Variants in NRXN1 observed in about 807,000 individuals in gnomAD.
NRXN1 encodes neurexin-1.
Under a neutral mutation model 150.9 loss-of-function variants are expected in NRXN1, and 39 were observed. The observed-to-expected ratio is 0.26, with a 90% CI of 0.20 to 0.34. NRXN1 has a LOEUF of 0.34. Ranked by LOEUF, NRXN1 falls within the 10% of genes least tolerant of loss-of-function variation. The probability of loss-of-function intolerance (pLI) is 1.00; values close to 1 mark genes in which losing one functional copy is unlikely to be tolerated. For synonymous variants in NRXN1, 924 were observed against 757.0 expected (o/e 1.22, Z -3.62); for missense variants, 1,815 against 1,949.9 (o/e 0.93, Z 1.30).
chr2:50,054,363 T>A (rs1016938673), intron 20 of NRXN1, among the ~76,000 whole-genome samples: 4 of 152,178 alleles, frequency 2.6e-5, no homozygotes, highest in African/African-American at 9.6e-5. Flanking sequence ...ACCATTATCA[T>A]CAAATTGAGT....
chr2:50,209,680 G>A (rs962568744), intron 18 of NRXN1, among the ~76,000 whole-genome samples: 2 of 152,020 alleles, frequency 1.3e-5, no homozygotes, highest in African/African-American at 4.8e-5. Flanking sequence ...ACTAAAGTAT[G>A]TATGTAAATA....
chr2:50,874,458 G>A (rs2106115645), intron 5 of NRXN1, among the ~76,000 whole-genome samples: 1 of 151,788 alleles, frequency 6.6e-6, no homozygotes, highest in East Asian at 2.0e-4. Flanking sequence ...GTCACACAAG[G>A]AGAAAGGGGA....
At chr2:50,265,574 C>T (rs1290676114) in intron 17 of NRXN1, among the ~76,000 whole-genome samples, 1 of 152,170 alleles carries the variant, frequency 6.6e-6, no homozygotes, top group Non-Finnish European at 1.5e-5. Context: ...AAGACTGTTT[C>T]TGATTCATTT....
At chr2:50,155,572 A>G (rs1047329601) in intron 18 of NRXN1, among the ~76,000 whole-genome samples, 1 of 151,642 alleles carries the variant, frequency 6.6e-6, no homozygotes, top group Admixed American at 6.6e-5. Context: ...ATCCTTCTCT[A>G]GAATAAAAAA....
intron 15 of NRXN1, among the ~76,000 whole-genome samples, chr2:50,472,795 T>TTGTGTGTGTGTGTG (rs113192574): frequency 9.3e-4 from 129 of 138,628 alleles, no homozygotes; most frequent in South Asian, 7.1e-3. Context: ...CCCTACAGCC[T>TTGTGTGTGTGTGTG]TGTGTGTGTG....
chr2:50,579,802 T>C (rs1320934306), intron 8 of NRXN1, among the ~76,000 whole-genome samples: 1 of 152,120 alleles, frequency 6.6e-6, no homozygotes. Flanking sequence ...GTGAATCTAG[T>C]AGGAGAATAT....
chr2:50,560,169 G>A (rs1027899098), intron 8 of NRXN1, among the ~76,000 whole-genome samples: 2 of 152,126 alleles, frequency 1.3e-5, no homozygotes, highest in African/African-American at 4.8e-5. Context: ...TACACTGAAG[G>A]TCTAGCATAG....
intron 5 of NRXN1, among the ~76,000 whole-genome samples, chr2:50,891,248 C>T (rs1681016807): frequency 6.6e-6 from 1 of 151,974 alleles, no homozygotes; most frequent in Non-Finnish European, 1.5e-5. Flanking sequence ...AAAAGAATAT[C>T]TCCAAAATTG....
chr2:50,057,614 G>A (rs1693850644), intron 19 of NRXN1, among the ~76,000 whole-genome samples: 2 of 152,126 alleles, frequency 1.3e-5, no homozygotes, highest in South Asian at 2.1e-4. Context: ...TATTTCTTCA[G>A]TGCTTACTTG....
At chr2:50,687,642 T>A (rs886615275) in intron 5 of NRXN1, among the ~76,000 whole-genome samples, 1 of 152,294 alleles carries the variant, frequency 6.6e-6, no homozygotes, top group East Asian at 1.9e-4. Context: ...AGAAATAAAA[T>A]GCATGACTTT....
intron 18 of NRXN1, among the ~76,000 whole-genome samples, chr2:50,188,917 T>G (rs1306609395): frequency 2.0e-5 from 3 of 152,174 alleles, no homozygotes; most frequent in Non-Finnish European, 4.4e-5. Context: ...AAACTGTTTT[T>G]GGGAGTGTAA....
intron 18 of NRXN1, among the ~76,000 whole-genome samples, chr2:50,131,415 G>T (rs988583361): frequency 5.9e-5 from 9 of 152,134 alleles, no homozygotes; most frequent in Admixed American, 6.5e-5. Context: ...ACTAAGCTCA[G>T]TCTTGTAAAC....
intron 2 of NRXN1, among the ~76,000 whole-genome samples, chr2:50,984,598 G>C (rs1210080147): frequency 6.6e-6 from 1 of 152,068 alleles, no homozygotes. Flanking sequence ...ATCTGGGATA[G>C]AAAGGGATTA....
At chr2:50,457,489 A>G (rs545757907) in intron 17 of NRXN1, among the ~76,000 whole-genome samples, 1 of 152,204 alleles carries the variant, frequency 6.6e-6, no homozygotes, top group East Asian at 1.9e-4. Context: ...TACTTAAAAT[A>G]TTCATACCTC....
At chr2:50,722,730 T>C (rs1224134356) in intron 5 of NRXN1, among the ~76,000 whole-genome samples, 1 of 152,222 alleles carries the variant, frequency 6.6e-6, no homozygotes, top group Non-Finnish European at 1.5e-5. Flanking sequence ...ACTCAAATCA[T>C]GTTAACAAAG....
intron 5 of NRXN1, among the ~76,000 whole-genome samples, chr2:50,859,817 TATAC>T (rs1216215869): frequency 3.7e-5 from 5 of 134,086 alleles, no homozygotes; most frequent in Non-Finnish European, 6.6e-5. Context: ...ACACACATTA[TATAC>T]ACACACACAA....
intron 17 of NRXN1, among the ~76,000 whole-genome samples, chr2:50,386,684 A>G (rs77842108): frequency 0.016 from 2,423 of 152,286 alleles, 82 homozygotes; most frequent in African/African-American, 0.056. Context: ...CCAAGTTGCA[A>G]TGGAAATGGG....
intron 21 of NRXN1, among the ~76,000 whole-genome samples, chr2:50,028,544 A>C (rs1688725741): frequency 1.3e-5 from 2 of 152,212 alleles, no homozygotes; most frequent in South Asian, 4.1e-4. Flanking sequence ...CATTAAAACA[A>C]GGGAGTCTTA....
chr2:50,399,716 A>G (rs550175946), intron 17 of NRXN1, among the ~76,000 whole-genome samples: 1 of 133,016 alleles, frequency 7.5e-6, no homozygotes, highest in African/African-American at 3.0e-5. Flanking sequence ...GGTGTTTTTG[A>G]AAAACCTTGT....
Sources: allele counts gnomAD v4.1 joint callset (sites outside exome capture counted in the v4.1 genomes callset), GRCh38; gene constraint gnomAD v4.1.1; transcripts MANE v1.5; gene names NCBI Gene and HGNC (gene_info 2026-07-23, HGNC 2026-07-21).